CLEC16A: variants seen among roughly 807,000 people sequenced by gnomAD.
CLEC16A encodes protein CLEC16A.
In CLEC16A, 51 loss-of-function variants were observed where a neutral mutation model predicts 109.5. That is an observed-to-expected ratio of 0.47 (90% CI 0.37 to 0.59). The LOEUF (loss-of-function observed/expected upper bound fraction) is 0.59, where lower values mean the gene tolerates loss of function less well. Ranked by LOEUF, CLEC16A falls within the 20% of genes least tolerant of loss-of-function variation. The pLI is 0.00. For synonymous variants in CLEC16A, 673 were observed against 564.2 expected (o/e 1.19, Z -2.73); for missense variants, 1,339 against 1,394.0 (o/e 0.96, Z 0.63).
At chr16:11,056,787 C>CGGG (rs2048234385) in intron 18 of CLEC16A, 1 of 152,230 alleles carries the variant, frequency 6.6e-6, no homozygotes. Flanking sequence ...TCACCCTAAA[C>CGGG]AAACAATACT....
intron 1 of CLEC16A, among the ~76,000 whole-genome samples, chr16:10,948,526 G>C (rs2041550201): frequency 6.6e-6 from 1 of 152,206 alleles, no homozygotes; most frequent in African/African-American, 2.4e-5. Context: ...GGAAGCCTGA[G>C]TGATGGAATC....
intron 10 of CLEC16A, among the ~76,000 whole-genome samples, chr16:11,001,770 G>C (rs1349451888): frequency 6.6e-6 from 1 of 152,082 alleles, no homozygotes; most frequent in East Asian, 1.9e-4. Context: ...GCCCCGCAAA[G>C]TGCTGGGATT....
chr16:11,012,244 G>A (rs1316473245), intron 11 of CLEC16A, among the ~76,000 whole-genome samples: 2 of 151,990 alleles, frequency 1.3e-5, no homozygotes, highest in Non-Finnish European at 2.9e-5. Context: ...CTACATAAAG[G>A]CCCAAAATAC....
chr16:11,059,718 A>G (rs1189136883), intron 18 of CLEC16A, among the ~76,000 whole-genome samples: 1 of 152,176 alleles, frequency 6.6e-6, no homozygotes, highest in Non-Finnish European at 1.5e-5. Context: ...TAGTGGTGAC[A>G]GTGGTTTGTC....
intron 19 of CLEC16A, among the ~76,000 whole-genome samples, chr16:11,106,135 G>C (rs992874359): frequency 6.6e-6 from 1 of 152,186 alleles, no homozygotes; most frequent in African/African-American, 2.4e-5. Flanking sequence ...CAAATCTGTT[G>C]TAATTTGCCT....
intron 22 of CLEC16A, among the ~76,000 whole-genome samples, chr16:11,133,097 A>C (rs2053328355): frequency 6.6e-6 from 1 of 152,146 alleles, no homozygotes; most frequent in African/African-American, 2.4e-5. Context: ...GTCTTGTGGT[A>C]GATATTTAAC....
At chr16:11,173,887 A>G (rs551287367) in intron 23 of CLEC16A, among the ~76,000 whole-genome samples, 1 of 151,752 alleles carries the variant, frequency 6.6e-6, no homozygotes, top group Non-Finnish European at 1.5e-5. Context: ...TCTGCCCCTA[A>G]CCCGGTTAAG....
In CLEC16A at chr16:11,174,942, A is replaced by G. The variant is rs1264898974; in HGVS notation, c.2807-3393A>G. On this transcript the variant is annotated intron_variant, in intron 23 of 23. Coordinates refer to ENST00000409790, the MANE Select transcript of CLEC16A (RefSeq NM_015226.3). This position sits in a 1 kb window ranked among gnomAD's most constrained non-coding sequence, Gnocchi z 4.7. ...CGGGGCCATCCCTGCTGCCTCCCCT[A>G]TGACGCTTCTTCTGTGGTTTCTGAT... Among the ~76,000 whole-genome samples, 3 of 151,996 alleles carry G rather than the reference A, an allele frequency of 2.0e-5. No homozygotes were observed. The highest frequency in any genetic ancestry group is 4.8e-5 in the African/African-American group (2 of 41,308).
At chr16:10,958,370 C>A (rs1314894771) in intron 2 of CLEC16A, among the ~76,000 whole-genome samples, 2 of 152,112 alleles carry the variant, frequency 1.3e-5, no homozygotes, top group Non-Finnish European at 2.9e-5. Flanking sequence ...GTTGGTGTCC[C>A]CTTTTTTGCT....
intron 19 of CLEC16A, among the ~76,000 whole-genome samples, chr16:11,110,897 T>C (rs1373418897): frequency 2.6e-5 from 4 of 152,246 alleles, no homozygotes; most frequent in Non-Finnish European, 5.9e-5. Flanking sequence ...GTGATACTGC[T>C]CTTCATGGTA....
At chr16:10,955,746 G>T (rs984017866) in intron 1 of CLEC16A, among the ~76,000 whole-genome samples, 6 of 152,102 alleles carry the variant, frequency 3.9e-5, no homozygotes, top group African/African-American at 1.4e-4. Flanking sequence ...GAAGAGAGGA[G>T]GGAGAATCTG....
chr16:10,991,216 T>A (rs2043986861), intron 10 of CLEC16A, among the ~76,000 whole-genome samples: 2 of 151,554 alleles, frequency 1.3e-5, no homozygotes, highest in Admixed American at 1.3e-4. Flanking sequence ...AGTGTTACAG[T>A]TCTCAGTAAG....
At chr16:11,119,738 T>C (rs984221813) in intron 19 of CLEC16A, among the ~76,000 whole-genome samples, 1 of 152,110 alleles carries the variant, frequency 6.6e-6, no homozygotes, top group Non-Finnish European at 1.5e-5. Flanking sequence ...TTTGGGCTCT[T>C]TTTTGGTGCC....
intron 10 of CLEC16A, 69 bp from the exon 11 acceptor site, chr16:11,003,005 G>A (rs962749735): frequency 2.8e-5 from 37 of 1,310,726 alleles, no homozygotes; most frequent in Non-Finnish European, 3.5e-5. Flanking sequence ...AAACTTTTGG[G>A]CAACTTGATA....
At chr16:11,166,112 A>C (rs2068249448) in intron 22 of CLEC16A, among the ~76,000 whole-genome samples, 1 of 152,266 alleles carries the variant, frequency 6.6e-6, no homozygotes. Flanking sequence ...CTGCTGAGCC[A>C]GTATCAGGCA....
intron 21 of CLEC16A, among the ~76,000 whole-genome samples, chr16:11,124,608 G>A (rs1201994001): frequency 1.3e-5 from 2 of 152,232 alleles, no homozygotes; most frequent in South Asian, 4.1e-4. Flanking sequence ...TGCGTTCATT[G>A]GGCAGGAAGG....
chr16:10,981,756 C>G lies in CLEC16A; in HGVS notation c.958-1122C>G, dbSNP rs773512179. The stretch of plus-strand genomic sequence containing the variant: ...TTTGTTCAGGCTCCTGACTTCTATC[C>G]CCAGAGACAATTAGGGTTACAGGGT... On this transcript the variant is annotated intron_variant, in intron 9 of 23. Transcript: ENST00000409790. Among the ~76,000 whole-genome samples, 90 of 152,180 alleles carry G rather than the reference C, an allele frequency of 5.9e-4. 2 individuals carry two copies. Among genetic ancestry groups the G allele is most frequent in the Admixed American group, 4.6e-4 (7 of 15,284 alleles).
intron 19 of CLEC16A, among the ~76,000 whole-genome samples, chr16:11,101,927 C>T (rs531971399): frequency 4.0e-5 from 6 of 151,522 alleles, no homozygotes; most frequent in East Asian, 3.9e-4. Flanking sequence ...CTCAGCCCCC[C>T]GAGTAGCTGG....
chr16:10,989,484 C>G (rs1410567648), intron 10 of CLEC16A, among the ~76,000 whole-genome samples: 1 of 152,182 alleles, frequency 6.6e-6, no homozygotes, highest in Non-Finnish European at 1.5e-5. Flanking sequence ...ATTCACCCAC[C>G]TTGGCCTCGC....
Sources: gnomAD v4.1 joint callset for allele counts (sites outside exome capture counted in the v4.1 genomes callset) on GRCh38, gnomAD v4.1.1 for gene constraint, Gnocchi (gnomAD v3.1) non-coding constraint, MANE v1.5 for transcripts, NCBI Gene and HGNC (gene_info 2026-07-23, HGNC 2026-07-21) for gene names.